Variants in WASHC2A observed in about 807,000 individuals in gnomAD.
WASHC2A encodes WASH complex subunit 2A, also known as WASH complex subunit FAM21A.
WASHC2A carries 82 observed loss-of-function variants against 140.3 expected under a neutral mutation model. That is an observed-to-expected ratio of 0.58 (90% CI 0.49 to 0.70). The LOEUF is 0.70. Among genes scored for constraint, WASHC2A ranks in the 30% least tolerant of loss-of-function variants. The pLI, the probability that WASHC2A is intolerant of heterozygous loss-of-function variation, is 0.00. For missense variants in WASHC2A, 985 were observed against 1,521.8 expected, an observed-to-expected ratio of 0.65 and a Z score of 5.87; for synonymous variants, 340 against 560.8, an observed-to-expected ratio of 0.61 and a Z score of 5.56.
chr10:50,124,162 T>C (rs1554894143), intron 23 of WASHC2A, among the ~76,000 whole-genome samples: 1 of 152,194 alleles, frequency 6.6e-6, no homozygotes, highest in African/African-American at 2.4e-5. Flanking sequence ...TGGAGTGCAG[T>C]GGCGTGATCT....
rs1381106887 is a variant in WASHC2A at position 50,088,440 on chromosome 10, G to C, written c.732+1118G>C. On this transcript the variant is annotated intron_variant, in intron 8 of 30. Transcript: ENST00000282633. Reference sequence around the variant, plus strand: ...TGGCACCATGCCCGGCTAATTTTTTGTATTTTTAGTGGAGTCAGGGTCTTC... The same window carrying C: ...TGGCACCATGCCCGGCTAATTTTTTCTATTTTTAGTGGAGTCAGGGTCTTC... Among the ~76,000 whole-genome samples, 16 of 150,848 alleles carry C rather than the reference G, an allele frequency of 1.1e-4. 1 individual carries two copies. Among genetic ancestry groups the C allele is most frequent in the Non-Finnish European group, 4.4e-5 (3 of 67,766 alleles).
At chr10:50,085,868 G>C (rs1339403256) in intron 7 of WASHC2A, among the ~76,000 whole-genome samples, 1 of 151,736 alleles carries the variant, frequency 6.6e-6, no homozygotes, top group Non-Finnish European at 1.5e-5. Flanking sequence ...TGGAATCTCT[G>C]CCTGGGATAT....
intron 16 of WASHC2A, among the ~76,000 whole-genome samples, chr10:50,099,269 C>CTT (rs1295300009): frequency 3.7e-5 from 5 of 136,162 alleles, no homozygotes; most frequent in South Asian, 2.4e-4. Context: ...CATTCTTCTT[C>CTT]TTTTTTTTTT....
chr10:50,127,959 C>T (rs545487967), intron 28 of WASHC2A, among the ~76,000 whole-genome samples, 164 bp downstream of exon 28: 6 of 152,254 alleles, frequency 3.9e-5, no homozygotes, highest in African/African-American at 1.4e-4. Context: ...CCCCACCCCC[C>T]TCATCCTGCA....
intron 20 of WASHC2A, among the ~76,000 whole-genome samples, chr10:50,110,892 C>CA (rs1239943523): frequency 0.28 from 19,164 of 69,140 alleles, 2,781 homozygotes; most frequent in Non-Finnish European, 0.34. Flanking sequence ...GACTCCATCT[C>CA]AAAAAAAAAA....
At chr10:50,127,898 C>G in intron 28 of WASHC2A, 103 bp downstream of exon 28, 2 of 1,467,896 alleles carry the variant, frequency 1.4e-6, no homozygotes, top group Non-Finnish European at 1.9e-6. Flanking sequence ...TTTGACTCTC[C>G]TTTTGAAGGA....
chr10:50,095,857 T>A (rs1215130100), intron 15 of WASHC2A, 79 bp downstream of exon 15: 26 of 1,546,242 alleles, frequency 1.7e-5, no homozygotes, highest in Non-Finnish European at 2.2e-5. Context: ...CTCACCTAGT[T>A]CTGTATCTCT....
chr10:50,069,549 A>T lies in WASHC2A; in HGVS notation c.129A>T (p.Leu43=), dbSNP rs1837607056. 1 of 1,612,734 alleles carries T rather than the reference A, an allele frequency of 6.2e-7. No individual in the cohort carries two copies. Among genetic ancestry groups the T allele is most frequent in the Admixed American group, 1.7e-5 (1 of 59,684 alleles). Residue 43 remains leucine (L), a splice_region_variant and synonymous_variant, in exon 3 of 31, where the codon CTA becomes CTT. Coordinates refer to ENST00000282633, the MANE Select transcript of WASHC2A (RefSeq NM_001005751.3). ...QSWSLAADAG[L]LQFLQEFSQQ... is the part of the protein sequence containing the mutation. Reference sequence around the variant, plus strand: ...TGTATGTTTATTTTTTAAAATAGCTACTACAGTTTCTACAGGAATTCTCAC... The same window carrying T: ...TGTATGTTTATTTTTTAAAATAGCTTCTACAGTTTCTACAGGAATTCTCAC...
intron 23 of WASHC2A, among the ~76,000 whole-genome samples, chr10:50,124,574 T>C (rs1843264210): frequency 6.6e-6 from 1 of 152,150 alleles, no homozygotes; most frequent in South Asian, 2.1e-4. Flanking sequence ...AGGGCAGAAG[T>C]GATGGACAGC....
rs1278276543 is a variant in WASHC2A, at chr10:50,078,738, G to T, written c.354+1G>T. ...GGCTGAGGCAGAAAAAACAGAGCAG[G>T]TACTTGTATAAAATCACTCTTAGCT... On this transcript the variant is annotated splice_donor_variant, in intron 4 of 30. Coordinates refer to ENST00000282633, the MANE Select transcript of WASHC2A (RefSeq NM_001005751.3). LOFTEE classifies it high-confidence loss of function. 1 of 1,611,802 alleles carries T rather than the reference G, an allele frequency of 6.2e-7. No homozygotes were observed.
intron 3 of WASHC2A, among the ~76,000 whole-genome samples, chr10:50,076,018 G>A (rs1236849011): frequency 1.3e-5 from 2 of 151,638 alleles, no homozygotes; most frequent in Non-Finnish European, 2.9e-5. Flanking sequence ...AAGTTTAAGC[G>A]ATTCTCCTGC....
chr10:50,070,014 C>T (rs149163630), intron 3 of WASHC2A, among the ~76,000 whole-genome samples: 2,004 of 152,200 alleles, frequency 0.013, 37 homozygotes, highest in African/African-American at 0.045. Flanking sequence ...TTTGTTGTGG[C>T]GTGATCTGTA....
At chr10:50,076,712 T>C (rs1589150558) in intron 3 of WASHC2A, among the ~76,000 whole-genome samples, 1 of 152,204 alleles carries the variant, frequency 6.6e-6, no homozygotes, top group East Asian at 1.9e-4. Flanking sequence ...GCACAATGGC[T>C]CACACCTGTA....
rs1339621046 is a variant in WASHC2A, at chr10:50,087,271, A to G, written c.685-4A>G. 5.0e-6 allele frequency: 8 copies of G among 1,613,854 alleles called. No homozygotes were observed. In the Admixed American group the frequency reaches 1.0e-4, roughly 20 times the overall value. ...AACAACAAAGCCTTTTCTTCCCCAC[A>G]AAGGAGTCAGATGAAGATTTTGCCC... On this transcript the variant is annotated splice_polypyrimidine_tract_variant and splice_region_variant and intron_variant, in intron 7 of 30. Coordinates refer to ENST00000282633, the MANE Select transcript of WASHC2A (RefSeq NM_001005751.3).
chr10:50,116,556 G>A (rs1401385488), intron 21 of WASHC2A, among the ~76,000 whole-genome samples: 7 of 148,664 alleles, frequency 4.7e-5, no homozygotes, highest in Non-Finnish European at 1.0e-4. Flanking sequence ...CTCATGATCC[G>A]CCCACCTTGG....
chr10:50,125,852 G>C (rs1843380078), intron 25 of WASHC2A, among the ~76,000 whole-genome samples: 1 of 151,974 alleles, frequency 6.6e-6, no homozygotes, highest in East Asian at 1.9e-4. Context: ...TAAGTACTCT[G>C]TTTTCTTTTT....
chr10:50,075,596 A>G (rs1446657148), intron 3 of WASHC2A, among the ~76,000 whole-genome samples: 1 of 149,872 alleles, frequency 6.7e-6, no homozygotes, highest in African/African-American at 2.5e-5. Flanking sequence ...CTTTTTACCT[A>G]GAGAGGGATT....
intron 13 of WASHC2A, among the ~76,000 whole-genome samples, chr10:50,094,756 G>A (rs1224929020): frequency 6.6e-6 from 1 of 151,024 alleles, no homozygotes; most frequent in Non-Finnish European, 1.5e-5. Flanking sequence ...TGACTCACAT[G>A]TTTTTGCGGT....
intron 7 of WASHC2A, among the ~76,000 whole-genome samples, chr10:50,085,984 C>G (rs1263334714): frequency 1.3e-5 from 2 of 149,614 alleles, no homozygotes; most frequent in African/African-American, 4.9e-5. Context: ...AAAGCCACCA[C>G]TTACATTCTA....
Sources: allele counts gnomAD v4.1 joint callset (sites outside exome capture counted in the v4.1 genomes callset), GRCh38; gene constraint gnomAD v4.1.1; transcripts MANE v1.5; gene names NCBI Gene and HGNC (gene_info 2026-07-23, HGNC 2026-07-21).